The following SLC4A4 variants were observed in gnomAD, a reference collection of about 807,000 sequenced individuals.
SLC4A4 encodes electrogenic sodium bicarbonate cotransporter 1.
A neutral mutation model predicts 111.5 loss-of-function variants in SLC4A4; 27 were observed. The ratio of observed to expected loss-of-function variants is 0.24; its 90% CI spans 0.18 to 0.33. SLC4A4 has a LOEUF of 0.33. Ranked by LOEUF, SLC4A4 falls within the 10% of genes least tolerant of loss-of-function variation. SLC4A4 has a pLI of 1.00. For missense variants in SLC4A4, 909 were observed against 1,315.5 expected (o/e 0.69, Z 4.78); for synonymous variants, 443 against 463.4 (o/e 0.96, Z 0.57).
At chr4:71,156,578 G>GCA (rs1744474590) in intron 2 of SLC4A4, among the ~76,000 whole-genome samples, 1 of 101,298 alleles carries the variant, frequency 9.9e-6, no homozygotes, top group Non-Finnish European at 1.9e-5. Context: ...GCGCATGCGC[G>GCA]CGCGCGCGCG....
intron 1 of SLC4A4, among the ~76,000 whole-genome samples, chr4:71,209,703 G>A (rs968013843): frequency 2.0e-5 from 3 of 151,812 alleles, no homozygotes; most frequent in African/African-American, 7.3e-5. Flanking sequence ...CCTGATTATT[G>A]TGAGAAATAC....
intron 22 of SLC4A4, 83 bp from the exon 23 acceptor site, chr4:71,560,010 G>A (rs957560202): frequency 9.5e-7 from 1 of 1,053,142 alleles, no homozygotes. Flanking sequence ...AGGTTTCTGT[G>A]GTCTTTGATA....
chr4:71,273,092 T>A (rs907731215), intron 3 of SLC4A4, among the ~76,000 whole-genome samples: 5 of 152,190 alleles, frequency 3.3e-5, no homozygotes, highest in African/African-American at 1.2e-4. Context: ...GAATGCTTGA[T>A]AAGAAATAGC....
chr4:71,422,789 C>T (rs999973275), intron 7 of SLC4A4, among the ~76,000 whole-genome samples: 2 of 152,166 alleles, frequency 1.3e-5, no homozygotes, highest in South Asian at 2.1e-4. Context: ...ATTCAACAAC[C>T]CTTCATGCTG....
intron 2 of SLC4A4, among the ~76,000 whole-genome samples, chr4:71,251,784 ACTC>A (rs906242025): frequency 2.9e-4 from 44 of 151,286 alleles, no homozygotes; most frequent in African/African-American, 1.0e-3. Context: ...AATTTTTTCC[ACTC>A]CTCCTTTTTA....
At chr4:71,342,683 C>G (rs1208028120) in intron 4 of SLC4A4, among the ~76,000 whole-genome samples, 1 of 152,096 alleles carries the variant, frequency 6.6e-6, no homozygotes, top group Non-Finnish European at 1.5e-5. Flanking sequence ...TCATTTCAGT[C>G]AAATGCAGAC....
intron 2 of SLC4A4, among the ~76,000 whole-genome samples, chr4:71,177,555 A>G (rs1346289898): frequency 6.6e-6 from 1 of 152,218 alleles, no homozygotes; most frequent in Non-Finnish European, 1.5e-5. Flanking sequence ...CAGACTTTAA[A>G]CCAACAGAGA....
chr4:71,528,415 TTGAATATCCTCATTGTTGA>T (rs1733603732), intron 16 of SLC4A4, among the ~76,000 whole-genome samples: 1 of 152,146 alleles, frequency 6.6e-6, no homozygotes, highest in African/African-American at 2.4e-5. Flanking sequence ...TTATATTCTT[TTGAATATCCTCATTGTTGA>T]CAAATTTCTT....
At chr4:71,471,197 G>A (rs1349991450) in intron 13 of SLC4A4, among the ~76,000 whole-genome samples, 1 of 151,986 alleles carries the variant, frequency 6.6e-6, no homozygotes, top group African/African-American at 2.4e-5. Context: ...TTAAGTTACA[G>A]ACATGCATTT....
Position 71,555,722 on chromosome 4 carries a change from G to A in SLC4A4, c.2763+514G>A, listed in dbSNP as rs756283066. Among the ~76,000 whole-genome samples, 17 of 151,860 alleles carry A rather than the reference G, an allele frequency of 1.1e-4. 1 individual carries two copies. Among genetic ancestry groups the A allele is most frequent in the Non-Finnish European group, 1.5e-5 (1 of 67,898 alleles). ...AAACTTCAGCTATTCATAACTTTGG[G>A]AAAACTGACACACTTTTAATAAAAT... On this transcript the variant is annotated intron_variant, in intron 21 of 25. Transcript: ENST00000264485.
chr4:71,543,523 C>G (rs1199908069), intron 18 of SLC4A4, among the ~76,000 whole-genome samples: 1 of 152,090 alleles, frequency 6.6e-6, no homozygotes, highest in African/African-American at 2.4e-5. Context: ...AGTCCATCAT[C>G]TAAAATCTTC....
intron 23 of SLC4A4, among the ~76,000 whole-genome samples, chr4:71,563,401 C>T (rs572526295): frequency 4.0e-4 from 61 of 151,826 alleles, no homozygotes; most frequent in African/African-American, 1.4e-3. Context: ...TCAGCATAAA[C>T]AAAACAAGAA....
At chr4:71,106,616 C>T (rs1351056730) in intron 2 of SLC4A4, among the ~76,000 whole-genome samples, 23 of 145,712 alleles carry the variant, frequency 1.6e-4, no homozygotes, top group African/African-American at 5.7e-4. Flanking sequence ...AGTTCATGTC[C>T]TTTGTAGGGA....
At chr4:71,346,435 C>T (rs770208933) in intron 4 of SLC4A4, among the ~76,000 whole-genome samples, 1 of 137,226 alleles carries the variant, frequency 7.3e-6, no homozygotes, top group Non-Finnish European at 1.6e-5. Flanking sequence ...GAGATAGTGG[C>T]TTTTAGTATA....
At chr4:71,507,316 C>A (rs1204048201) in intron 16 of SLC4A4, among the ~76,000 whole-genome samples, 1 of 152,100 alleles carries the variant, frequency 6.6e-6, no homozygotes, top group Non-Finnish European at 1.5e-5. Flanking sequence ...CATAACAAAC[C>A]AAGACTCATT....
intron 1 of SLC4A4, among the ~76,000 whole-genome samples, chr4:71,221,321 G>A (rs1038173780): frequency 6.6e-5 from 10 of 152,196 alleles, no homozygotes; most frequent in Non-Finnish European, 1.0e-4. Flanking sequence ...GAAGGACAGT[G>A]TTTTTAAATT....
At chr4:71,289,528 C>G (rs546711408) in intron 3 of SLC4A4, among the ~76,000 whole-genome samples, 18 of 152,024 alleles carry the variant, frequency 1.2e-4, no homozygotes, top group African/African-American at 4.3e-4. Context: ...AGAGAGAGAA[C>G]GTGTACATCC....
chr4:71,356,014 T>G (rs924448956), intron 5 of SLC4A4, among the ~76,000 whole-genome samples: 1 of 152,234 alleles, frequency 6.6e-6, no homozygotes, highest in African/African-American at 2.4e-5. Context: ...TTGCATACCT[T>G]GAGACAGACT....
At chr4:71,186,215 TTTTCCTAAC>T (rs1477204576), upstream of SLC4A4, among the ~76,000 whole-genome samples, 1 of 152,210 alleles carries the variant, frequency 6.6e-6, no homozygotes, top group African/African-American at 2.4e-5. Flanking sequence ...GCTAAGGCTG[TTTTCCTAAC>T]TCCCAAGGAA....
Sources: gnomAD v4.1 joint callset for allele counts (sites outside exome capture counted in the v4.1 genomes callset) on GRCh38, gnomAD v4.1.1 for gene constraint, MANE v1.5 for transcripts, NCBI Gene and HGNC (gene_info 2026-07-23, HGNC 2026-07-21) for gene names.